FSHR: variants seen among roughly 807,000 people sequenced by gnomAD.
FSHR encodes follicle-stimulating hormone receptor.
A neutral mutation model predicts 52.1 loss-of-function variants in FSHR; 46 were observed. That is an observed-to-expected ratio of 0.88 (90% CI 0.70 to 1.13). The LOEUF is 1.13. Ranked by LOEUF, FSHR falls within the 50% of genes most tolerant of loss-of-function variation. The probability of loss-of-function intolerance (pLI) is 0.00; values close to 1 mark genes in which losing one functional copy is unlikely to be tolerated. For missense variants in FSHR, 964 were observed against 834.6 expected (o/e 1.16, Z -1.91); for synonymous variants, 399 against 309.6 (o/e 1.29, Z -3.03).
At chr2:49,132,189 G>A (rs1672302183) in intron 1 of FSHR, among the ~76,000 whole-genome samples, 1 of 152,096 alleles carries the variant, frequency 6.6e-6, no homozygotes, top group African/African-American at 2.4e-5. Context: ...CTTTGTTTAG[G>A]GTCTCAGTGA....
intron 1 of FSHR, among the ~76,000 whole-genome samples, chr2:49,068,647 A>T (rs1054200465): frequency 1.3e-5 from 2 of 151,694 alleles, no homozygotes; most frequent in Admixed American, 1.3e-4. Flanking sequence ...AACCCCCATT[A>T]CCTCTTCCTT....
intron 1 of FSHR, among the ~76,000 whole-genome samples, chr2:49,101,167 C>A (rs1332596873): frequency 1.3e-5 from 2 of 151,974 alleles, no homozygotes; most frequent in East Asian, 3.9e-4. Flanking sequence ...ATAAAAACAG[C>A]AAATGTAAAA....
chr2:49,020,299 G>C, intron 2 of FSHR, 139 bp from the exon 3 acceptor site: 1 of 756,764 alleles, frequency 1.3e-6, no homozygotes. Context: ...GAAGTCAGCT[G>C]TAGTAATAAG....
intron 1 of FSHR, among the ~76,000 whole-genome samples, chr2:49,098,461 A>G (rs1442696619): frequency 6.6e-6 from 1 of 152,014 alleles, no homozygotes; most frequent in African/African-American, 2.4e-5. Flanking sequence ...GTGTAAATAG[A>G]ATTTGACCAT....
chr2:49,057,903 AG>A (rs1669125213), intron 2 of FSHR, among the ~76,000 whole-genome samples: 1 of 152,228 alleles, frequency 6.6e-6, no homozygotes, highest in African/African-American at 2.4e-5. Context: ...TTAAAGCAAC[AG>A]AATGAAGGAC....
At chr2:49,082,016 C>T (rs139942894) in intron 1 of FSHR, among the ~76,000 whole-genome samples, 10 of 152,276 alleles carry the variant, frequency 6.6e-5, no homozygotes, top group East Asian at 5.8e-4. Context: ...TAAAGTTAGG[C>T]GGAGGAGCCA....
At chr2:48,994,290 A>G (rs1675920730) in intron 4 of FSHR, among the ~76,000 whole-genome samples, 1 of 152,202 alleles carries the variant, frequency 6.6e-6, no homozygotes, top group Admixed American at 6.5e-5. Flanking sequence ...TGAAGAATTC[A>G]TGATTGCTCA....
Position 49,154,037 on chromosome 2 carries a change from C to A in FSHR, c.152+229G>T, listed in dbSNP as rs545396681. On this transcript the variant is annotated intron_variant, in intron 1 of 9. Transcript: ENST00000406846. ...TTCCCTTTGCCTTTGGATTCCGGTT[C>A]TCTGACACTGCCGTTCTCTGACAAA... Among the ~76,000 whole-genome samples the A allele has an allele frequency of 2.3e-4, 35 of 152,250 alleles. No individual in the cohort carries two copies. In the South Asian group the frequency reaches 2.5e-3, roughly 11 times the overall value.
At chr2:49,149,658 A>G (rs1388881111) in intron 1 of FSHR, among the ~76,000 whole-genome samples, 4 of 152,114 alleles carry the variant, frequency 2.6e-5, no homozygotes, top group African/African-American at 9.7e-5. Flanking sequence ...ATCCCTCTGA[A>G]CTAAGGACCT....
chr2:49,136,945 C>T (rs1672510015), intron 1 of FSHR, among the ~76,000 whole-genome samples: 2 of 152,110 alleles, frequency 1.3e-5, no homozygotes, highest in African/African-American at 4.8e-5. Flanking sequence ...TCCTTAAGAT[C>T]AGGACCAAGA....
intron 1 of FSHR, among the ~76,000 whole-genome samples, chr2:49,072,083 A>T (rs1352472879): frequency 6.6e-6 from 1 of 152,176 alleles, no homozygotes; most frequent in African/African-American, 2.4e-5. Flanking sequence ...GAACTAGGTT[A>T]CGAAGAAAAT....
intron 2 of FSHR, among the ~76,000 whole-genome samples, chr2:49,048,463 G>A (rs990946723): frequency 4.6e-5 from 7 of 152,114 alleles, no homozygotes; most frequent in Non-Finnish European, 1.0e-4. Flanking sequence ...AGTAGTCAGC[G>A]TGTAGTCAGT....
chr2:49,015,445 C>T (rs768023561), intron 4 of FSHR, among the ~76,000 whole-genome samples: 8 of 152,118 alleles, frequency 5.3e-5, no homozygotes, highest in Non-Finnish European at 1.0e-4. Flanking sequence ...TGTTTTTGAG[C>T]ACTTCGTATT....
intron 2 of FSHR, among the ~76,000 whole-genome samples, chr2:49,064,526 G>C (rs1223006842): frequency 6.6e-6 from 1 of 152,008 alleles, no homozygotes; most frequent in East Asian, 1.9e-4. Flanking sequence ...ACTTGATTTT[G>C]GAGTTTCAAG....
At chr2:49,056,301 C>G (rs1166904213) in intron 2 of FSHR, among the ~76,000 whole-genome samples, 1 of 151,428 alleles carries the variant, frequency 6.6e-6, no homozygotes, top group Non-Finnish European at 1.5e-5. Context: ...AAAGATAATC[C>G]TTATAAACAA....
chr2:49,079,556 C>A (rs1397832032), intron 1 of FSHR, among the ~76,000 whole-genome samples: 6 of 151,548 alleles, frequency 4.0e-5, no homozygotes, highest in Non-Finnish European at 7.4e-5. Flanking sequence ...AAAAATAGAC[C>A]AATGGAAGAA....
At chr2:49,148,592 A>G (rs539180946) in intron 1 of FSHR, among the ~76,000 whole-genome samples, 10 of 152,198 alleles carry the variant, frequency 6.6e-5, no homozygotes, top group African/African-American at 2.2e-4. Context: ...CACATGAAAA[A>G]TTAAACGCAA....
At chr2:49,026,818 C>A (rs1406377236) in intron 2 of FSHR, among the ~76,000 whole-genome samples, 1 of 152,026 alleles carries the variant, frequency 6.6e-6, no homozygotes. Flanking sequence ...TTTCTTAATC[C>A]CTGTCTTGGT....
intron 6 of FSHR, among the ~76,000 whole-genome samples, chr2:48,983,503 G>A (rs910996749): frequency 2.6e-5 from 4 of 152,152 alleles, no homozygotes; most frequent in Non-Finnish European, 5.9e-5. Flanking sequence ...TGCGGGGAGC[G>A]ACAGATCTTT....
Sources: allele counts gnomAD v4.1 joint callset (sites outside exome capture counted in the v4.1 genomes callset), GRCh38; gene constraint gnomAD v4.1.1; transcripts MANE v1.5; gene names NCBI Gene and HGNC (gene_info 2026-07-23, HGNC 2026-07-21).